MARCHF1: variants seen among roughly 807,000 people sequenced by gnomAD.
The protein encoded by MARCHF1 is membrane associated ring-CH-type finger 1, also known as E3 ubiquitin-protein ligase MARCHF1.
A neutral mutation model predicts 54.2 loss-of-function variants in MARCHF1; 40 were observed. The observed-to-expected ratio is 0.74, with a 90% CI of 0.57 to 0.96. The LOEUF is 0.96. MARCHF1 is among the 40% of genes least tolerant of loss of function. The pLI, the probability that MARCHF1 is intolerant of heterozygous loss-of-function variation, is 0.00. For synonymous variants in MARCHF1, 236 were observed against 236.3 expected (o/e 1.00, Z 0.01); for missense variants, 586 against 656.5 (o/e 0.89, Z 1.17).
At chr4:164,070,138 G>A (rs1754831486) in intron 2 of MARCHF1, among the ~76,000 whole-genome samples, 2 of 152,186 alleles carry the variant, frequency 1.3e-5, no homozygotes, top group Non-Finnish European at 2.9e-5. Flanking sequence ...GGAGAAGGGT[G>A]TTGATTGAAA....
At chr4:164,177,866 A>G (rs922167291) in intron 1 of MARCHF1, among the ~76,000 whole-genome samples, 4 of 151,976 alleles carry the variant, frequency 2.6e-5, no homozygotes, top group African/African-American at 7.3e-5. Context: ...CAGAGAAAGA[A>G]TGTGGCTAAA....
intron 5 of MARCHF1, among the ~76,000 whole-genome samples, chr4:163,618,047 T>A (rs1741569717): frequency 2.6e-5 from 4 of 152,186 alleles, no homozygotes; most frequent in Admixed American, 2.6e-4. Context: ...ACCATCACAG[T>A]GAATCAGATA....
At chr4:163,742,040 T>C (rs555126876) in intron 4 of MARCHF1, among the ~76,000 whole-genome samples, 2 of 152,304 alleles carry the variant, frequency 1.3e-5, no homozygotes, top group South Asian at 4.1e-4. Flanking sequence ...TAGAATAAAG[T>C]AGTACAGTAG....
intron 1 of MARCHF1, among the ~76,000 whole-genome samples, chr4:164,263,777 T>C (rs374334467): frequency 2.8e-4 from 43 of 152,148 alleles, no homozygotes; most frequent in African/African-American, 9.6e-4. Flanking sequence ...GAGAAATGCA[T>C]ATCAAAACCA....
At chr4:163,930,735 G>T (rs1751654027) in intron 3 of MARCHF1, among the ~76,000 whole-genome samples, 1 of 152,006 alleles carries the variant, frequency 6.6e-6, no homozygotes, top group Non-Finnish European at 1.5e-5. Flanking sequence ...ACTCATCCTT[G>T]TATGATTTAG....
At chr4:164,072,613 C>G (rs1046914882) in intron 2 of MARCHF1, among the ~76,000 whole-genome samples, 2 of 150,388 alleles carry the variant, frequency 1.3e-5, no homozygotes, top group African/African-American at 4.9e-5. Context: ...TTTAAATGTT[C>G]TCATTATTTT....
At chr4:163,619,639 A>G (rs1741617166) in intron 5 of MARCHF1, among the ~76,000 whole-genome samples, 1 of 152,100 alleles carries the variant, frequency 6.6e-6, no homozygotes, top group African/African-American at 2.4e-5. Context: ...CGGTACAGAC[A>G]AATTTGCATC....
intron 2 of MARCHF1, among the ~76,000 whole-genome samples, chr4:164,106,082 G>C: frequency 6.6e-6 from 1 of 151,538 alleles, no homozygotes; most frequent in South Asian, 2.1e-4. Flanking sequence ...TCTCACACCA[G>C]TTAGAATGGC....
chr4:163,808,886 T>C (rs542378844), intron 4 of MARCHF1, among the ~76,000 whole-genome samples: 1 of 152,254 alleles, frequency 6.6e-6, no homozygotes, highest in Non-Finnish European at 1.5e-5. Flanking sequence ...GCATTTTAAG[T>C]ACACGTTAGT....
intron 2 of MARCHF1, among the ~76,000 whole-genome samples, chr4:164,010,560 T>G (rs1753399733): frequency 6.6e-6 from 1 of 151,684 alleles, no homozygotes; most frequent in African/African-American, 2.4e-5. Flanking sequence ...GAAATAAACT[T>G]AAAGAAATGA....
chr4:164,289,585 G>A (rs1414406855), intron 1 of MARCHF1, among the ~76,000 whole-genome samples: 101 of 131,120 alleles, frequency 7.7e-4, no homozygotes, highest in African/African-American at 2.5e-3. Context: ...TACTTAGATG[G>A]AAAAAAAAAA....
chr4:164,042,145 C>T (rs1463053493), intron 2 of MARCHF1, among the ~76,000 whole-genome samples: 1 of 152,146 alleles, frequency 6.6e-6, no homozygotes, highest in Non-Finnish European at 1.5e-5. Flanking sequence ...CTTTTGTCCT[C>T]AGAAGCTGTT....
intron 7 of MARCHF1, among the ~76,000 whole-genome samples, chr4:163,599,966 G>C (rs1330607855): frequency 2.0e-5 from 3 of 152,182 alleles, no homozygotes; most frequent in Non-Finnish European, 4.4e-5. Context: ...CCATCAGTAA[G>C]TGTGTCAAGT....
At chr4:163,999,767 T>C (rs1753150474) in intron 2 of MARCHF1, among the ~76,000 whole-genome samples, 1 of 151,586 alleles carries the variant, frequency 6.6e-6, no homozygotes, top group African/African-American at 2.4e-5. Context: ...TACATATAAA[T>C]ATACATATAT....
Position 163,772,840 on chromosome 4 carries a change from G to C in MARCHF1, c.112-71977C>G, listed in dbSNP as rs116061534. On this transcript the variant is annotated intron_variant, in intron 4 of 9. Transcript: ENST00000514618. ...TGGAGGAGGGGCAGGAAATCTTGGAGAGCATCTTAAAATTCTGCCTGCTGC... is the reference window on the plus strand; with the variant it reads ...TGGAGGAGGGGCAGGAAATCTTGGACAGCATCTTAAAATTCTGCCTGCTGC... Among the ~76,000 whole-genome samples, 1,147 of 152,112 alleles carry C rather than the reference G, an allele frequency of 7.5e-3. 17 individuals carry two copies. Among genetic ancestry groups the C allele is most frequent in the African/African-American group, 0.026 (1,090 of 41,472 alleles).
intron 2 of MARCHF1, among the ~76,000 whole-genome samples, chr4:164,018,330 T>C (rs1753590200): frequency 6.6e-6 from 1 of 151,914 alleles, no homozygotes; most frequent in Non-Finnish European, 1.5e-5. Context: ...AAAGACACTG[T>C]TAAAGAAATG....
chr4:164,025,088 AC>A (rs529682320), intron 2 of MARCHF1, among the ~76,000 whole-genome samples: 35 of 150,670 alleles, frequency 2.3e-4, no homozygotes, highest in African/African-American at 8.5e-4. Flanking sequence ...AACAAAACAA[AC>A]AAAAAGACAA....
intron 5 of MARCHF1, among the ~76,000 whole-genome samples, chr4:163,636,720 T>G (rs1742341800): frequency 6.6e-6 from 1 of 152,054 alleles, no homozygotes; most frequent in Non-Finnish European, 1.5e-5. Flanking sequence ...ACCAATGCCT[T>G]TCTTCACACA....
chr4:163,554,765 A>C (rs1024176740), intron 8 of MARCHF1, among the ~76,000 whole-genome samples: 11 of 152,236 alleles, frequency 7.2e-5, no homozygotes, highest in African/African-American at 2.7e-4. Flanking sequence ...TGTGACCAGT[A>C]AATTCAAAGC....
Sources: allele counts gnomAD v4.1 joint callset (sites outside exome capture counted in the v4.1 genomes callset), GRCh38; gene constraint gnomAD v4.1.1; transcripts MANE v1.5; gene names NCBI Gene and HGNC (gene_info 2026-07-23, HGNC 2026-07-21).